Variants in RFC1 observed in about 807,000 individuals in gnomAD.
RFC1 encodes replication factor C subunit 1, also known as A1 140 kDa subunit.
A neutral mutation model predicts 137.4 loss-of-function variants in RFC1; 37 were observed. The ratio of observed to expected loss-of-function variants is 0.27; its 90% CI spans 0.21 to 0.35. The LOEUF is 0.35. RFC1 is among the 10% of genes least tolerant of loss of function. RFC1 has a pLI of 1.00. For missense variants in RFC1, 1,205 were observed against 1,358.5 expected, an observed-to-expected ratio of 0.89 and a Z score of 1.78; for synonymous variants, 429 against 455.7, an observed-to-expected ratio of 0.94 and a Z score of 0.75.
In RFC1 at chr4:39,300,552, T is replaced by C. The variant is rs1049661927; in HGVS notation, c.2536-138A>G. 5.9e-6 allele frequency: 4 copies of C among 672,694 alleles called. No individual in the cohort carries two copies. The African/African-American group carries it at 7.2e-5, about 12-fold the overall frequency. The allele number at this position is 672,694 out of a possible 1,614,324, so 41.7% of individuals were successfully genotyped here. The stretch of plus-strand genomic sequence containing the variant: ...ATGCAAAACTGTACCGTTTGGTAGT[T>C]TCTTACAAAATTAAACATACTCTTA... On this transcript the variant is annotated intron_variant, in intron 19 of 24. Coordinates refer to ENST00000349703, the MANE Select transcript of RFC1 (RefSeq NM_002913.5).
chr4:39,288,729 T>C lies in RFC1; in HGVS notation c.*32A>G, dbSNP rs775067824. 3 of 1,424,030 alleles carry C rather than the reference T, an allele frequency of 2.1e-6. No homozygotes were observed. In the East Asian group the frequency reaches 6.8e-5, roughly 32 times the overall value. The allele number at this position is 1,424,030 out of a possible 1,614,324, so 88.2% of individuals were successfully genotyped here. ...CAGCTGGACTGGTCAGGAGGGAGAG[T>C]AAAAAGTGGCTGTCGCTAGTGAAAA... On this transcript the variant is annotated 3_prime_UTR_variant, in exon 25 of 25. Coordinates refer to ENST00000349703, the MANE Select transcript of RFC1 (RefSeq NM_002913.5).
rs143410146 is a variant in RFC1, at chr4:39,325,877, G to A, written c.642+686C>T. Among the ~76,000 whole-genome samples, 46 of 152,110 alleles carry A rather than the reference G, an allele frequency of 3.0e-4. No individual in the cohort carries two copies. The East Asian group carries it at 7.0e-3, about 23-fold the overall frequency. ...CCCACCATGAACTATTAACATCATC[G>A]AAGCCAAAGTAATTTTCTTTTAAGA... On this transcript the variant is annotated intron_variant, in intron 6 of 24. Coordinates refer to ENST00000349703, the MANE Select transcript of RFC1 (RefSeq NM_002913.5).
At chr4:39,324,520 G>C (rs1483670787) in intron 6 of RFC1, among the ~76,000 whole-genome samples, 2 of 152,162 alleles carry the variant, frequency 1.3e-5, no homozygotes, top group Non-Finnish European at 2.9e-5. Flanking sequence ...CTCGCTTGTA[G>C]TTTATGTAAT....
intron 1 of RFC1, among the ~76,000 whole-genome samples, chr4:39,361,141 C>A (rs773798251): frequency 6.6e-6 from 1 of 152,226 alleles, no homozygotes; most frequent in Non-Finnish European, 1.5e-5. Context: ...GTAATCCCAG[C>A]ACTTTGGGAG....
rs377184873 is a variant in RFC1, at chr4:39,348,336, T to C, written c.133-2860A>G. On this transcript the variant is annotated intron_variant, in intron 2 of 24. Coordinates refer to ENST00000349703, the MANE Select transcript of RFC1 (RefSeq NM_002913.5). ...TACTCAGGAGGCTGAGGCAGGAGAT[T>C]CACTTGAACCTGGGAGGCAGAGGTT... Among the ~76,000 whole-genome samples the C allele has an allele frequency of 3.9e-3, 572 of 148,314 alleles. 4 individuals are homozygous for C. Among genetic ancestry groups the C allele is most frequent in the African/African-American group, 0.013 (546 of 40,476 alleles).
chr4:39,353,468 A>T (rs1741316197), intron 1 of RFC1, among the ~76,000 whole-genome samples: 1 of 151,674 alleles, frequency 6.6e-6, no homozygotes, highest in Admixed American at 6.6e-5. Context: ...CCTCTTTTGT[A>T]AATCTCCTAG....
intron 14 of RFC1, 150 bp from the exon 15 acceptor site, chr4:39,305,078 G>C: frequency 1.6e-6 from 1 of 640,640 alleles, no homozygotes; most frequent in Non-Finnish European, 2.8e-6. Flanking sequence ...CAGACAATGA[G>C]ATTAACTATA....
chr4:39,331,385 G>A (rs534577507), intron 4 of RFC1, among the ~76,000 whole-genome samples: 25 of 152,182 alleles, frequency 1.6e-4, no homozygotes, highest in African/African-American at 4.3e-4. Context: ...ACACTTAGCC[G>A]TGCTTATAAG....
intron 12 of RFC1, 125 bp downstream of exon 12, chr4:39,311,320 G>A: frequency 1.4e-6 from 1 of 694,378 alleles, no homozygotes; most frequent in South Asian, 1.9e-5. Context: ...AACTAAGGTG[G>A]TCCATTTGTG....
At chr4:39,297,707 A>G (rs953147845) in intron 21 of RFC1, 1 of 152,390 alleles carries the variant, frequency 6.6e-6, no homozygotes, top group African/African-American at 2.4e-5. Context: ...TGCCGAAGCG[A>G]GCACTTCACT....
intron 9 of RFC1, 28 bp from the exon 10 acceptor site, chr4:39,317,050 C>A (rs771650915): frequency 7.1e-7 from 1 of 1,409,092 alleles, no homozygotes. Context: ...GGAAAATGAA[C>A]AAAGTCATAC....
intron 9 of RFC1, 28 bp from the exon 10 acceptor site, chr4:39,317,050 C>T (rs771650915): frequency 2.8e-6 from 4 of 1,408,972 alleles, no homozygotes; most frequent in African/African-American, 2.8e-5. Flanking sequence ...GGAAAATGAA[C>T]AAAGTCATAC....
chr4:39,357,616 T>C (rs1039373364), intron 1 of RFC1, among the ~76,000 whole-genome samples: 1 of 140,534 alleles, frequency 7.1e-6, no homozygotes, highest in Non-Finnish European at 1.5e-5. Flanking sequence ...AGGAGCTAAC[T>C]TTTTTTTTTT....
At chr4:39,346,429 T>TCGCG (rs1740862612) in intron 2 of RFC1, among the ~76,000 whole-genome samples, 1 of 149,488 alleles carries the variant, frequency 6.7e-6, no homozygotes, top group South Asian at 2.1e-4. Flanking sequence ...TAAGCCAAGA[T>TCGCG]CGCGCCATTG....
chr4:39,342,500 G>C, intron 3 of RFC1, 33 bp from the exon 4 acceptor site: 1 of 1,600,794 alleles, frequency 6.2e-7, no homozygotes, highest in Non-Finnish European at 8.5e-7. Flanking sequence ...ACAAAACTTT[G>C]AAAAGAACTA....
chr4:39,328,588 G>A (rs549241507), intron 4 of RFC1, among the ~76,000 whole-genome samples: 4 of 152,298 alleles, frequency 2.6e-5, no homozygotes, highest in Admixed American at 6.5e-5. Context: ...TGGAAAAGCC[G>A]AGACGGAAGT....
At position 39,308,807 on chromosome 4, in the gene RFC1, A is replaced by T; in HGVS notation, c.1714T>A (p.Leu572Met). Residue 572 changes from leucine to methionine, a missense_variant, in exon 13 of 25, where the codon TTG becomes ATG. Coordinates refer to ENST00000349703, the MANE Select transcript of RFC1 (RefSeq NM_002913.5). Reference sequence around the variant, plus strand: ...TTGTTTTCACTGCTGTCATCAGCCAAATTCCTAGCCTTGCTGTCACCACTT... The same window carrying T: ...TTGTTTTCACTGCTGTCATCAGCCATATTCCTAGCCTTGCTGTCACCACTT... ...ETSGDSKARNLADDSSENKVE... is the reference protein window; with the variant it reads ...ETSGDSKARNMADDSSENKVE... 2 of 1,614,106 alleles carry T rather than the reference A, an allele frequency of 1.2e-6. No individual in the cohort carries two copies.
At position 39,317,021 on chromosome 4, in the gene RFC1, G is replaced by C. The variant is rs749259193; in HGVS notation, c.1097C>G (p.Ser366Cys). 1.9e-6 allele frequency: 3 copies of C among 1,605,104 alleles called. No individual in the cohort carries two copies. The highest frequency in any genetic ancestry group is 2.6e-6 in the Non-Finnish European group (3 of 1,172,232). The change falls in exon 10 of 25, where the codon TCT becomes TGT. Residue 366 changes from serine to cysteine, a missense_variant and splice_region_variant. By Grantham distance (112) the Ser-to-Cys change is moderately radical. Around this residue, in one of 3 missense-constraint regions of RFC1, gnomAD observed 962 missense variants for 1,035.3 expected, o/e 0.93. Coordinates refer to ENST00000349703, the MANE Select transcript of RFC1 (RefSeq NM_002913.5). ...CTTTTCAGAATCTTCAGGACTTACA[G>C]ACTTTGGGAACAGGGAAAGGAAAAT... ...KTKSSPAKKE[S>C]VSPEDSEKKR...
intron 1 of RFC1, among the ~76,000 whole-genome samples, chr4:39,358,784 T>C (rs1218801791): frequency 6.6e-6 from 1 of 152,216 alleles, no homozygotes; most frequent in East Asian, 1.9e-4. Flanking sequence ...GTTAGGGGTT[T>C]TCCCCTAAAG....
Sources: allele counts gnomAD v4.1 joint callset (sites outside exome capture counted in the v4.1 genomes callset), GRCh38; gene constraint gnomAD v4.1.1; regional missense constraint gnomAD v4.1.1; transcripts MANE v1.5; gene names NCBI Gene and HGNC (gene_info 2026-07-23, HGNC 2026-07-21).